The following EYS variants were observed in gnomAD, a reference collection of about 807,000 sequenced individuals.
EYS encodes the protein EGF-like photoreceptor maintenance factor.
EYS carries 250 observed loss-of-function variants against 282.1 expected under a neutral mutation model. The observed-to-expected ratio is 0.89, with a 90% CI of 0.80 to 0.98. The LOEUF (loss-of-function observed/expected upper bound fraction) is 0.98, where lower values mean the gene tolerates loss of function less well. Ranked by LOEUF, EYS falls within the 50% of genes least tolerant of loss-of-function variation. The probability of loss-of-function intolerance (pLI) is 0.00; values close to 1 mark genes in which losing one functional copy is unlikely to be tolerated. For synonymous variants in EYS, 1,355 were observed against 1,282.9 expected, an observed-to-expected ratio of 1.06 and a Z score of -1.20; for missense variants, 4,016 against 3,709.0, an observed-to-expected ratio of 1.08 and a Z score of -2.15.
intron 22 of EYS, among the ~76,000 whole-genome samples, chr6:64,628,212 C>A (rs1334598751): frequency 6.6e-6 from 1 of 150,932 alleles, no homozygotes; most frequent in Non-Finnish European, 1.5e-5. Flanking sequence ...AGTCAACCTC[C>A]CCATCTTTGT....
intron 22 of EYS, among the ~76,000 whole-genome samples, chr6:64,666,538 C>T (rs937538378): frequency 6.6e-5 from 10 of 152,182 alleles, no homozygotes; most frequent in Admixed American, 5.2e-4. Context: ...ACTTCAATCA[C>T]ACACTTCTTA....
intron 41 of EYS, among the ~76,000 whole-genome samples, chr6:63,729,624 A>G (rs912348190): frequency 2.6e-4 from 40 of 152,020 alleles, no homozygotes; most frequent in African/African-American, 9.7e-4. Context: ...CTTTTGTCAA[A>G]GAGCAGTTGA....
chr6:63,947,353 A>G (rs1765429356), intron 35 of EYS, among the ~76,000 whole-genome samples: 3 of 152,102 alleles, frequency 2.0e-5, no homozygotes. Context: ...AATTAAACAC[A>G]TGCATTAAAA....
chr6:63,842,844 C>A (rs549893082), intron 36 of EYS, among the ~76,000 whole-genome samples: 2 of 152,296 alleles, frequency 1.3e-5, no homozygotes, highest in African/African-American at 4.8e-5. Context: ...GTTTTCCCAA[C>A]ACCATTTATT....
rs183442848 is a variant in EYS, at chr6:63,906,988, A to T, written c.7056-42630T>A. 2.0e-5 allele frequency among the ~76,000 whole-genome samples: 3 copies of T among 152,212 alleles called. No homozygotes were observed. In the East Asian group the frequency reaches 5.8e-4, roughly 29 times the overall value. ...CACTGGTCTAGCTCTTTAAAGTTTC[A>T]TAGTGTGTTTATCCTTACTACTTCT... is the stretch of plus-strand genomic sequence containing the variant. On this transcript the variant is annotated intron_variant, in intron 35 of 42. Transcript: ENST00000503581.
intron 5 of EYS, among the ~76,000 whole-genome samples, chr6:65,473,054 A>G (rs1765273471): frequency 6.6e-6 from 1 of 151,952 alleles, no homozygotes; most frequent in Non-Finnish European, 1.5e-5. Flanking sequence ...TAAAAAATAT[A>G]TAGCAAATAA....
At chr6:64,929,190 T>C (rs1342788578) in intron 15 of EYS, among the ~76,000 whole-genome samples, 1 of 152,056 alleles carries the variant, frequency 6.6e-6, no homozygotes, top group Non-Finnish European at 1.5e-5. Flanking sequence ...AGATAGGCCC[T>C]CACACAGGAA....
At chr6:64,655,009 T>G (rs1227633686) in intron 22 of EYS, among the ~76,000 whole-genome samples, 1 of 152,196 alleles carries the variant, frequency 6.6e-6, no homozygotes, top group Non-Finnish European at 1.5e-5. Flanking sequence ...TCAGCCATAA[T>G]TTTTAGCTTA....
chr6:63,963,873 T>C (rs983788675), intron 35 of EYS, among the ~76,000 whole-genome samples: 4 of 152,350 alleles, frequency 2.6e-5, no homozygotes, highest in African/African-American at 9.6e-5. Flanking sequence ...TCTATGTTCT[T>C]TGACCTATGG....
At chr6:65,049,568 C>T (rs183109501) in intron 13 of EYS, among the ~76,000 whole-genome samples, 26 of 151,718 alleles carry the variant, frequency 1.7e-4, no homozygotes, top group African/African-American at 6.3e-4. Flanking sequence ...AATAATATCA[C>T]AGTTTAAGGG....
chr6:63,720,567 T>G lies in EYS; in HGVS notation c.*29A>C. Reference sequence around the variant, plus strand: ...CTATCAAAATAACTGCATTTATGTATAGTGTGTACTAAAATCTCTAGTGTT... The same window carrying G: ...CTATCAAAATAACTGCATTTATGTAGAGTGTGTACTAAAATCTCTAGTGTT... On this transcript the variant is annotated 3_prime_UTR_variant, in exon 43 of 43. Coordinates refer to ENST00000503581, the MANE Select transcript of EYS (RefSeq NM_001142800.2). 2.8e-6 allele frequency: 4 copies of G among 1,411,170 alleles called. No homozygotes were observed. Among genetic ancestry groups the G allele is most frequent in the Non-Finnish European group, 3.8e-6 (4 of 1,061,796 alleles). The allele number at this position is 1,411,170 out of a possible 1,614,324, so 87.4% of individuals were successfully genotyped here. A position where few individuals can be genotyped will look rare whatever the true frequency, so the allele number is the denominator to read the frequency against.
At chr6:65,244,714 G>T (rs1767137949) in intron 12 of EYS, among the ~76,000 whole-genome samples, 1 of 151,284 alleles carries the variant, frequency 6.6e-6, no homozygotes, top group South Asian at 2.1e-4. Context: ...AGTAGAGACG[G>T]GGTTTCACCG....
intron 13 of EYS, among the ~76,000 whole-genome samples, chr6:65,043,619 C>T (rs1468728376): frequency 1.3e-5 from 2 of 151,382 alleles, no homozygotes; most frequent in African/African-American, 4.8e-5. Flanking sequence ...TTTTAGATTT[C>T]ATATGTAAGT....
At chr6:65,086,434 C>T (rs1480577598) in intron 12 of EYS, among the ~76,000 whole-genome samples, 1 of 152,112 alleles carries the variant, frequency 6.6e-6, no homozygotes, top group Non-Finnish European at 1.5e-5. Context: ...TTTAGGCTTT[C>T]ATGGTTTCTT....
intron 12 of EYS, among the ~76,000 whole-genome samples, chr6:65,270,362 C>T (rs1380510824): frequency 1.3e-5 from 2 of 152,118 alleles, no homozygotes; most frequent in Non-Finnish European, 2.9e-5. Context: ...ATTATTGGAT[C>T]AGGAGTTACA....
At chr6:63,993,609 A>G (rs760013932) in intron 34 of EYS, among the ~76,000 whole-genome samples, 1 of 151,890 alleles carries the variant, frequency 6.6e-6, no homozygotes, top group Non-Finnish European at 1.5e-5. Flanking sequence ...TAAACTTAAG[A>G]GGGCAAAAAA....
At chr6:64,525,663 G>C (rs1777894440) in intron 26 of EYS, among the ~76,000 whole-genome samples, 1 of 151,490 alleles carries the variant, frequency 6.6e-6, no homozygotes, top group South Asian at 2.1e-4. Context: ...GTATACTCCT[G>C]AACCTAAATT....
chr6:64,554,705 C>T (rs1022818792), intron 26 of EYS, among the ~76,000 whole-genome samples: 3 of 151,594 alleles, frequency 2.0e-5, no homozygotes, highest in African/African-American at 7.3e-5. Flanking sequence ...ATGACCCAAT[C>T]AAAAAATGGG....
intron 14 of EYS, among the ~76,000 whole-genome samples, chr6:64,962,830 A>G (rs1769970203): frequency 6.6e-6 from 1 of 152,182 alleles, no homozygotes; most frequent in South Asian, 2.1e-4. Context: ...AAGAGTAAGT[A>G]TATCTTAATT....
Sources: gnomAD v4.1 joint callset for allele counts (sites outside exome capture counted in the v4.1 genomes callset) on GRCh38, gnomAD v4.1.1 for gene constraint, MANE v1.5 for transcripts, NCBI Gene and HGNC (gene_info 2026-07-23, HGNC 2026-07-21) for gene names.